The following LSM1 variants were observed in gnomAD, a reference collection of about 807,000 sequenced individuals.
LSM1 encodes the protein U6 snRNA-associated Sm-like protein LSm1.
A neutral mutation model predicts 18.0 loss-of-function variants in LSM1; 13 were observed. The ratio of observed to expected loss-of-function variants is 0.72; its 90% CI spans 0.47 to 1.15. The LOEUF is 1.15. Among genes scored for constraint, LSM1 ranks in the 50% most tolerant of loss-of-function variants. LSM1 has a pLI of 0.00. For missense variants in LSM1, 152 were observed against 157.7 expected, an observed-to-expected ratio of 0.96 and a Z score of 0.19; for synonymous variants, 46 against 56.0, an observed-to-expected ratio of 0.82 and a Z score of 0.80.
At chr8:38,172,620 C>G (rs1803051359) in intron 1 of LSM1, among the ~76,000 whole-genome samples, 1 of 152,174 alleles carries the variant, frequency 6.6e-6, no homozygotes, top group African/African-American at 2.4e-5. Flanking sequence ...TGGCGCCTAG[C>G]CAAAGACCCT....
intron 1 of LSM1, 117 bp downstream of exon 1, chr8:38,176,158 A>G (rs1204990052): frequency 3.8e-6 from 3 of 783,782 alleles, no homozygotes; most frequent in Non-Finnish European, 6.3e-6. Context: ...GCCCGGATTG[A>G]GCTCAGAACA....
Position 38,176,378 on chromosome 8 carries a change from T to A in LSM1, c.-58A>T. Reference sequence around the variant, plus strand: ...GCGGGAGGCCAGCGCGTCCAAAACCTCTTCCCTCCTACCGCAGTCGCCGCC... The same window carrying A: ...GCGGGAGGCCAGCGCGTCCAAAACCACTTCCCTCCTACCGCAGTCGCCGCC... On this transcript the variant is annotated 5_prime_UTR_variant, in exon 1 of 4. Transcript: ENST00000311351. 7.1e-7 allele frequency: 1 copy of A among 1,400,864 alleles called. No individual in the cohort carries two copies. The highest frequency in any genetic ancestry group is 1.0e-6 in the Non-Finnish European group (1 of 1,000,034). 86.8% of individuals were successfully genotyped at this position (1,400,864 alleles called of 1,614,324 possible).
intron 3 of LSM1, 36 bp downstream of exon 3, chr8:38,169,766 A>G: frequency 8.4e-7 from 1 of 1,195,310 alleles, no homozygotes; most frequent in Non-Finnish European, 1.2e-6. Context: ...TAGCATGAAT[A>G]TGAAGATCTA....
intron 1 of LSM1, among the ~76,000 whole-genome samples, chr8:38,173,820 A>G (rs1041533242): frequency 3.3e-5 from 5 of 152,222 alleles, no homozygotes; most frequent in African/African-American, 1.2e-4. Flanking sequence ...ATTTTGGATA[A>G]ATCTACAAAG....
intron 1 of LSM1, 152 bp from the exon 2 acceptor site, chr8:38,172,185 G>C (rs749163789): frequency 8.4e-6 from 5 of 591,900 alleles, no homozygotes; most frequent in South Asian, 4.1e-5. Context: ...AAGCAGCACA[G>C]CAACGCGGAT....
Position 38,176,023 on chromosome 8 carries a change from G to A in LSM1, c.46+252C>T, listed in dbSNP as rs192035136. ...TGCCGCGATCCACGGAAGCAAGAAT[G>A]AGTTCCATCGCTTGGGGCTCACCAG... On this transcript the variant is annotated intron_variant, in intron 1 of 3. Transcript: ENST00000311351. The A allele has an allele frequency of 4.5e-4, 188 of 416,258 alleles. 1 individual carries two copies. In the Admixed American group the frequency reaches 6.6e-3, roughly 15 times the overall value. 25.8% of individuals were successfully genotyped at this position (416,258 alleles called of 1,614,324 possible). A position where few individuals can be genotyped will look rare whatever the true frequency, so the allele number is the denominator to read the frequency against.
chr8:38,172,106 G>C, intron 1 of LSM1, 73 bp from the exon 2 acceptor site: 1 of 1,053,202 alleles, frequency 9.5e-7, no homozygotes, highest in Admixed American at 2.1e-5. Flanking sequence ...ATAATTAACA[G>C]TTTAAGCTGT....
At chr8:38,167,242 C>G (rs559186563) in intron 3 of LSM1, among the ~76,000 whole-genome samples, 44 of 152,344 alleles carry the variant, frequency 2.9e-4, no homozygotes, top group African/African-American at 1.0e-3. Flanking sequence ...TCACCTCTTT[C>G]TCTGCACAAA....
At chr8:38,175,519 G>A (rs989097791) in intron 1 of LSM1, among the ~76,000 whole-genome samples, 3 of 152,136 alleles carry the variant, frequency 2.0e-5, no homozygotes. Context: ...GTTGCTTGAG[G>A]AATAATGCAC....
In LSM1 at chr8:38,174,639, C is replaced by T. The variant is rs143722071; in HGVS notation, c.46+1636G>A. On this transcript the variant is annotated intron_variant, in intron 1 of 3. Coordinates refer to ENST00000311351, the MANE Select transcript of LSM1 (RefSeq NM_014462.3). The stretch of plus-strand genomic sequence containing the variant: ...CGAGCAACTAAAACATCCTGTTACA[C>T]GTAACAGGTTCATATAGATGTTAAT... Among the ~76,000 whole-genome samples, 347 of 152,220 alleles carry T rather than the reference C, an allele frequency of 2.3e-3. 1 individual carries two copies. Among genetic ancestry groups the T allele is most frequent in the African/African-American group, 7.9e-3 (326 of 41,522 alleles).
At chr8:38,173,160 C>T (rs1008220691) in intron 1 of LSM1, among the ~76,000 whole-genome samples, 11 of 152,100 alleles carry the variant, frequency 7.2e-5, no homozygotes, top group African/African-American at 1.2e-4. Flanking sequence ...CATTCCATGC[C>T]TAAAGTACTT....
At chr8:38,169,546 G>T (rs187363782) in intron 3 of LSM1, among the ~76,000 whole-genome samples, 5 of 152,254 alleles carry the variant, frequency 3.3e-5, no homozygotes, top group Admixed American at 2.0e-4. Flanking sequence ...TCCAACGTAT[G>T]TAAGACACAC....
chr8:38,167,199 A>T (rs780951282), intron 3 of LSM1, among the ~76,000 whole-genome samples: 2 of 152,228 alleles, frequency 1.3e-5, no homozygotes, highest in Admixed American at 6.5e-5. Flanking sequence ...AAAGGGATCC[A>T]AGGAAACAAT....
intron 1 of LSM1, chr8:38,176,033 GCTTGGGGCTCA>G (rs2130652061): frequency 2.3e-6 from 1 of 439,940 alleles, no homozygotes; most frequent in African/African-American, 2.0e-5. Context: ...GAGTTCCATC[GCTTGGGGCTCA>G]CCAGCTAGAG....
intron 1 of LSM1, 60 bp downstream of exon 1, chr8:38,176,215 C>T: frequency 6.8e-7 from 1 of 1,481,174 alleles, no homozygotes; most frequent in Non-Finnish European, 9.4e-7. Flanking sequence ...TCGGAAGAGG[C>T]GCCCGCCCGG....
chr8:38,176,256 G>C lies in LSM1; in HGVS notation c.46+19C>G, dbSNP rs1432277000. On this transcript the variant is annotated intron_variant, in intron 1 of 3. Coordinates refer to ENST00000311351, the MANE Select transcript of LSM1 (RefSeq NM_014462.3). ...AGGGTCTAACCCCGGGCTCCACCGG[G>C]AGGAGATAAACTACTCACTGTCAAT... is the stretch of plus-strand genomic sequence containing the variant. The C allele has an allele frequency of 6.2e-7, 1 of 1,612,494 alleles. No homozygotes were observed. The highest frequency in any genetic ancestry group is 1.3e-5 in the African/African-American group (1 of 75,048).
intron 2 of LSM1, among the ~76,000 whole-genome samples, chr8:38,170,232 GA>G (rs1164407224): frequency 1.3e-5 from 2 of 152,058 alleles, no homozygotes; most frequent in Non-Finnish European, 2.9e-5. Flanking sequence ...CAGAGACAGG[GA>G]TCACCACATT....
chr8:38,175,870 G>T (rs1803126015), intron 1 of LSM1: 1 of 164,010 alleles, frequency 6.1e-6, no homozygotes, highest in East Asian at 1.8e-4. Context: ...GCTTTTTAAT[G>T]AATCCTCTCT....
In LSM1 at chr8:38,176,313, T is replaced by C. The variant is rs375202565; in HGVS notation, c.8A>G (p.Tyr3Cys). MN[Y>C]MPGTASLIED... ...GATGAGGCTGGCGGTGCCAGGCATA[T>C]AGTTCATTTTGAACTGAAATAATGC... is the stretch of plus-strand genomic sequence containing the variant. The change falls in exon 1 of 4, where the codon TAT becomes TGT. Residue 3 changes from tyrosine to cysteine, a missense_variant. Transcript: ENST00000311351. The C allele has an allele frequency of 6.2e-7, 1 of 1,612,944 alleles. No individual in the cohort carries two copies. The highest frequency in any genetic ancestry group is 8.5e-7 in the Non-Finnish European group (1 of 1,179,546).
Sources: gnomAD v4.1 joint callset for allele counts (sites outside exome capture counted in the v4.1 genomes callset) on GRCh38, gnomAD v4.1.1 for gene constraint, MANE v1.5 for transcripts, NCBI Gene and HGNC (gene_info 2026-07-23, HGNC 2026-07-21) for gene names.